P2RY12: variants seen among roughly 807,000 people sequenced by gnomAD.
P2RY12 encodes P2Y purinoceptor 12.
A neutral mutation model predicts 4.5 loss-of-function variants in P2RY12; 3 were observed. The ratio of observed to expected loss-of-function variants is 0.67; its 90% CI spans 0.31 to 1.74. P2RY12 has a LOEUF of 1.74. P2RY12 is among the 40% of genes most tolerant of loss of function. The pLI, the probability that P2RY12 is intolerant of heterozygous loss-of-function variation, is 0.09. For synonymous variants in P2RY12, 148 were observed against 154.1 expected (o/e 0.96, Z 0.29); for missense variants, 356 against 407.8 (o/e 0.87, Z 1.09).
chr3:151,365,953 C>A, intron 1 of P2RY12: 1 of 1,612,978 alleles, frequency 6.2e-7, no homozygotes, highest in Non-Finnish European at 8.5e-7. Context: ...TTCTTCAAAT[C>A]ACGTGTGGGG....
intron 1 of P2RY12, among the ~76,000 whole-genome samples, chr3:151,348,298 CT>C: frequency 2.0e-5 from 3 of 148,582 alleles, no homozygotes; most frequent in Middle Eastern, 7.1e-3. Context: ...TAGTGCCCCC[CT>C]GTTTCCTTCC....
chr3:151,365,870 T>A (rs1347871354), intron 1 of P2RY12: 1 of 1,610,376 alleles, frequency 6.2e-7, no homozygotes, highest in Non-Finnish European at 8.5e-7. Context: ...ATAGCCAATT[T>A]CTCCTCTGAG....
intron 1 of P2RY12, among the ~76,000 whole-genome samples, chr3:151,361,447 A>G (rs893296530): frequency 6.6e-6 from 1 of 152,128 alleles, no homozygotes; most frequent in African/African-American, 2.4e-5. Flanking sequence ...ATAGAACTGA[A>G]TTAATCATAA....
chr3:151,380,298 G>A, intron 1 of P2RY12: 2 of 1,040,752 alleles, frequency 1.9e-6, no homozygotes, highest in Non-Finnish European at 2.8e-6. Context: ...TTCAAATACT[G>A]AGATTAAATT....
intron 1 of P2RY12, chr3:151,382,782 A>G (rs763545988): frequency 1.6e-5 from 24 of 1,527,008 alleles, no homozygotes; most frequent in East Asian, 2.3e-5. Flanking sequence ...TCCATTAAAC[A>G]TATTTACATG....
intron 1 of P2RY12, among the ~76,000 whole-genome samples, chr3:151,366,717 C>T (rs1475317204): frequency 6.6e-6 from 1 of 152,132 alleles, no homozygotes; most frequent in Non-Finnish European, 1.5e-5. Context: ...TTCTGCTAAT[C>T]AGGACTGGTT....
intron 1 of P2RY12, among the ~76,000 whole-genome samples, chr3:151,348,933 T>C (rs1752903055): frequency 1.3e-5 from 2 of 152,282 alleles, no homozygotes; most frequent in African/African-American, 4.8e-5. Context: ...AGGAACACAG[T>C]GCAGTTTGTT....
At chr3:151,360,702 A>G in intron 1 of P2RY12, 3 of 1,159,168 alleles carry the variant, frequency 2.6e-6, no homozygotes, top group Non-Finnish European at 3.7e-6. Context: ...ATGAAAGCTA[A>G]TTGCAATTGT....
At chr3:151,377,155 G>A (rs1458047242) in intron 1 of P2RY12, 10 of 1,612,624 alleles carry the variant, frequency 6.2e-6, no homozygotes, top group Admixed American at 1.7e-5. Flanking sequence ...GCACGAGACA[G>A]AATGGAATAA....
At chr3:151,343,088 A>T (rs140514088) in intron 1 of P2RY12, among the ~76,000 whole-genome samples, 2,200 of 152,034 alleles carry the variant, frequency 0.014, 73 homozygotes, top group African/African-American at 0.051. Flanking sequence ...CCCCTCTCCC[A>T]CTAAGAGGCC....
chr3:151,365,121 A>G (rs1341227377), intron 1 of P2RY12: 1 of 1,614,066 alleles, frequency 6.2e-7, no homozygotes, highest in Non-Finnish European at 8.5e-7. Flanking sequence ...GCTGGGCAAG[A>G]TCCTCAGTGA....
intron 1 of P2RY12, chr3:151,377,212 G>T (rs1318850728): frequency 6.4e-7 from 1 of 1,560,912 alleles, no homozygotes; most frequent in South Asian, 1.2e-5. Context: ...GAACTGTCAT[G>T]AATTTTTCAC....
At chr3:151,377,750 G>A (rs1378318014) in intron 1 of P2RY12, among the ~76,000 whole-genome samples, 1 of 152,036 alleles carries the variant, frequency 6.6e-6, no homozygotes, top group Non-Finnish European at 1.5e-5. Flanking sequence ...AGAGAGAGGG[G>A]GTCATCGGAA....
Position 151,337,858 on chromosome 3 carries a change from CT to C in P2RY12, c.987del (p.Glu330AsnfsTer18). The C allele has an allele frequency of 1.2e-6, 2 of 1,614,110 alleles. No individual in the cohort carries two copies. Among genetic ancestry groups the C allele is most frequent in the African/African-American group, 1.3e-5 (1 of 75,050 alleles). Reference sequence around the variant, plus strand: ...TCATTTGGGTCACCACCATCCTGTTCTTTTTTCCTATTGTCCTGGGACAGAG... The same window carrying C: ...TCATTTGGGTCACCACCATCCTGTTCTTTTTCCTATTGTCCTGGGACAGAG... ...ATSLSQDNRK[K>X]EQDGGDPNEE... On this transcript the variant is annotated frameshift_variant, in exon 3 of 3. Transcript: ENST00000302632. LOFTEE classifies it high-confidence loss of function.
chr3:151,341,776 G>A (rs1432537137), intron 1 of P2RY12, among the ~76,000 whole-genome samples: 3 of 144,756 alleles, frequency 2.1e-5, no homozygotes, highest in Middle Eastern at 3.2e-3. Flanking sequence ...CCCTTCCTGT[G>A]TCCATGTGTT....
At chr3:151,357,286 C>T in intron 1 of P2RY12, 1 of 1,613,816 alleles carries the variant, frequency 6.2e-7, no homozygotes. Context: ...AGTTATACAA[C>T]AGGACTGTGT....
At chr3:151,368,223 C>G in intron 1 of P2RY12, 1 of 1,614,042 alleles carries the variant, frequency 6.2e-7, no homozygotes, top group Non-Finnish European at 8.5e-7. Flanking sequence ...TCCGAGCTCC[C>G]CAGGCCTGCT....
chr3:151,357,145 TA>T, intron 1 of P2RY12: 3 of 1,358,484 alleles, frequency 2.2e-6, no homozygotes, highest in Non-Finnish European at 3.0e-6. Flanking sequence ...CTATGGTTTA[TA>T]AAAATAAATG....
In P2RY12 at chr3:151,340,854, A is replaced by C. The variant is rs568809860; in HGVS notation, c.-179-94T>G. 1.1e-3 allele frequency: 169 copies of C among 152,576 alleles called. 1 individual carries two copies. Among genetic ancestry groups the C allele is most frequent in the African/African-American group, 3.9e-3 (163 of 41,582 alleles). The allele number at this position is 152,576 out of a possible 1,614,324, so 9.5% of individuals were successfully genotyped here. A position where few individuals can be genotyped will look rare whatever the true frequency, so the allele number is the denominator to read the frequency against. ...AAAGCTATGCAGACACTGAATTTCT[A>C]TCTGTCCTCTTTTAGGACTTCTGCT... On this transcript the variant is annotated intron_variant, in intron 1 of 2. Coordinates refer to ENST00000302632, the MANE Select transcript of P2RY12 (RefSeq NM_022788.5).
Sources: gnomAD v4.1 joint callset for allele counts (sites outside exome capture counted in the v4.1 genomes callset) on GRCh38, gnomAD v4.1.1 for gene constraint, MANE v1.5 for transcripts, NCBI Gene and HGNC (gene_info 2026-07-23, HGNC 2026-07-21) for gene names.